Variants in GPC6 observed in about 807,000 individuals in gnomAD.
GPC6 encodes the protein glypican 6.
A neutral mutation model predicts 55.2 loss-of-function variants in GPC6; 14 were observed. That is an observed-to-expected ratio of 0.25 (90% confidence interval 0.17 to 0.40). The LOEUF is 0.40. Among genes scored for constraint, GPC6 ranks in the 10% least tolerant of loss-of-function variants. The probability of loss-of-function intolerance (pLI) is 1.00; values close to 1 mark genes in which losing one functional copy is unlikely to be tolerated. For synonymous variants in GPC6, 278 were observed against 259.6 expected (o/e 1.07, Z -0.68); for missense variants, 641 against 708.5 (o/e 0.90, Z 1.08).
intron 2 of GPC6, among the ~76,000 whole-genome samples, chr13:93,708,908 A>C (rs1882949809): frequency 6.6e-6 from 1 of 151,758 alleles, no homozygotes; most frequent in Non-Finnish European, 1.5e-5. Flanking sequence ...TTCAGAACAC[A>C]TCTTCAAAGT....
intron 1 of GPC6, among the ~76,000 whole-genome samples, chr13:93,315,172 A>C (rs1170832115): frequency 2.0e-5 from 3 of 152,128 alleles, no homozygotes; most frequent in African/African-American, 7.2e-5. Context: ...AAATTTTAAA[A>C]CATTACATCC....
intron 1 of GPC6, among the ~76,000 whole-genome samples, chr13:93,236,865 T>C (rs1013271775): frequency 6.6e-6 from 1 of 152,180 alleles, no homozygotes; most frequent in African/African-American, 2.4e-5. Flanking sequence ...GATAATGGCC[T>C]CCAATTCCAT....
chr13:93,859,368 C>G (rs1034285923), intron 3 of GPC6, among the ~76,000 whole-genome samples: 2 of 151,366 alleles, frequency 1.3e-5, no homozygotes, highest in Admixed American at 1.3e-4. Flanking sequence ...AATATAAGTT[C>G]TCATCAATTT....
At chr13:93,665,840 C>T (rs1334650796) in intron 2 of GPC6, among the ~76,000 whole-genome samples, 2 of 152,098 alleles carry the variant, frequency 1.3e-5, no homozygotes, top group African/African-American at 4.8e-5. Flanking sequence ...CCTGTCTTGA[C>T]TGAGCCACTT....
At chr13:93,650,062 T>C (rs1880339898) in intron 2 of GPC6, among the ~76,000 whole-genome samples, 1 of 152,192 alleles carries the variant, frequency 6.6e-6, no homozygotes, top group Non-Finnish European at 1.5e-5. Context: ...AAAATTCACA[T>C]GTTTCGTGAT....
At chr13:93,775,272 T>C (rs1181905054) in intron 2 of GPC6, among the ~76,000 whole-genome samples, 1 of 152,186 alleles carries the variant, frequency 6.6e-6, no homozygotes, top group Non-Finnish European at 1.5e-5. Flanking sequence ...CCCGAGTAGC[T>C]GGGACCATAG....
intron 2 of GPC6, among the ~76,000 whole-genome samples, chr13:93,585,674 T>G (rs781306224): frequency 6.6e-6 from 1 of 152,214 alleles, no homozygotes; most frequent in African/African-American, 2.4e-5. Context: ...TCCATTACCT[T>G]ACAAGACTTT....
intron 4 of GPC6, among the ~76,000 whole-genome samples, chr13:94,120,454 T>G (rs1341319273): frequency 6.6e-6 from 1 of 152,036 alleles, no homozygotes; most frequent in Non-Finnish European, 1.5e-5. Context: ...TTTCTTCCGG[T>G]TAATGTTTCT....
intron 7 of GPC6, among the ~76,000 whole-genome samples, chr13:94,395,100 T>C (rs1415042300): frequency 1.3e-5 from 2 of 152,342 alleles, no homozygotes; most frequent in Admixed American, 6.5e-5. Flanking sequence ...CAGCAAAAGA[T>C]GGGCTGCACC....
At chr13:93,731,647 G>T (rs1215565057) in intron 2 of GPC6, among the ~76,000 whole-genome samples, 1 of 152,080 alleles carries the variant, frequency 6.6e-6, no homozygotes, top group African/African-American at 2.4e-5. Flanking sequence ...TTTAAGTATG[G>T]AGTATAGATA....
intron 2 of GPC6, among the ~76,000 whole-genome samples, chr13:93,714,826 G>T (rs906568473): frequency 6.6e-6 from 1 of 151,582 alleles, no homozygotes; most frequent in Non-Finnish European, 1.5e-5. Context: ...CATAATTAGA[G>T]GGAGGGTTAT....
chr13:93,694,582 T>C (rs958394592), intron 2 of GPC6, among the ~76,000 whole-genome samples: 4 of 152,172 alleles, frequency 2.6e-5, no homozygotes, highest in African/African-American at 9.7e-5. Context: ...CCTTGCAAGA[T>C]TGCCTAATCC....
At chr13:93,266,467 A>G (rs1303335875) in intron 1 of GPC6, among the ~76,000 whole-genome samples, 6 of 152,194 alleles carry the variant, frequency 3.9e-5, no homozygotes, top group African/African-American at 1.4e-4. Flanking sequence ...CTTCAAAAGT[A>G]GAAGGAGGTT....
chr13:94,234,421 T>C (rs1397387453), intron 4 of GPC6, among the ~76,000 whole-genome samples: 1 of 152,022 alleles, frequency 6.6e-6, no homozygotes, highest in Non-Finnish European at 1.5e-5. Flanking sequence ...GATGTTTCTT[T>C]TCTACATGTA....
At chr13:93,280,085 T>C (rs1437085377) in intron 1 of GPC6, among the ~76,000 whole-genome samples, 1 of 152,188 alleles carries the variant, frequency 6.6e-6, no homozygotes, top group Non-Finnish European at 1.5e-5. Context: ...TATTCTGTAC[T>C]TCACCTGAAG....
intron 1 of GPC6, among the ~76,000 whole-genome samples, chr13:93,244,634 C>T (rs1005781992): frequency 2.0e-5 from 3 of 152,286 alleles, no homozygotes; most frequent in Non-Finnish European, 4.4e-5. Flanking sequence ...CTCTAGCACC[C>T]GGTAGGGTTA....
intron 2 of GPC6, among the ~76,000 whole-genome samples, chr13:93,556,081 C>A (rs1181884759): frequency 1.3e-5 from 2 of 152,020 alleles, no homozygotes; most frequent in Non-Finnish European, 2.9e-5. Context: ...CTAAGTTACC[C>A]CTTTTTCTTT....
intron 4 of GPC6, among the ~76,000 whole-genome samples, chr13:94,030,637 C>T (rs987096801): frequency 4.6e-5 from 7 of 152,182 alleles, no homozygotes; most frequent in African/African-American, 1.7e-4. Context: ...GTAGCACCTG[C>T]AGCCCATCAC....
intron 6 of GPC6, among the ~76,000 whole-genome samples, chr13:94,369,952 C>T (rs973612183): frequency 7.2e-5 from 11 of 152,146 alleles, no homozygotes; most frequent in Non-Finnish European, 1.2e-4. Context: ...CAATGCTGTT[C>T]GTGTATTTAT....
Sources: allele counts gnomAD v4.1 joint callset (sites outside exome capture counted in the v4.1 genomes callset), GRCh38; gene constraint gnomAD v4.1.1; transcripts MANE v1.5; gene names NCBI Gene and HGNC (gene_info 2026-07-23, HGNC 2026-07-21).